The following VPS37A variants were observed in gnomAD, a reference collection of about 807,000 sequenced individuals.
VPS37A encodes the protein vacuolar protein sorting-associated protein 37A.
In VPS37A, 30 loss-of-function variants were observed where a neutral mutation model predicts 49.8. That is an observed-to-expected ratio of 0.60 (90% confidence interval 0.45 to 0.82). The LOEUF (loss-of-function observed/expected upper bound fraction) is 0.82, where lower values mean the gene tolerates loss of function less well. Ranked by LOEUF, VPS37A falls within the 40% of genes least tolerant of loss-of-function variation. VPS37A has a pLI of 0.00. For synonymous variants in VPS37A, 195 were observed against 160.6 expected, an observed-to-expected ratio of 1.21 and a Z score of -1.62; for missense variants, 593 against 464.4, an observed-to-expected ratio of 1.28 and a Z score of -2.55.
At chr8:17,305,756 CT>C, downstream of VPS37A, 2 of 1,605,426 alleles carry the variant, frequency 1.2e-6, no homozygotes, top group Non-Finnish European at 8.5e-7. Flanking sequence ...AAAACACTTA[CT>C]TGAGTTCTCG....
intron 6 of VPS37A, 27 bp downstream of exon 6, chr8:17,276,494 C>T: frequency 1.3e-6 from 2 of 1,588,614 alleles, no homozygotes; most frequent in South Asian, 1.1e-5. Flanking sequence ...AAGTTGGTCA[C>T]ATTGTCTATT....
chr8:17,248,898 C>G (rs1342953191), intron 1 of VPS37A, among the ~76,000 whole-genome samples: 1 of 152,190 alleles, frequency 6.6e-6, no homozygotes, highest in Non-Finnish European at 1.5e-5. Context: ...TTACAAGTCA[C>G]TCTTACTCCA....
At chr8:17,323,592 GT>G in the VPS37A span, among the ~76,000 whole-genome samples, 1 of 152,106 alleles carries the variant, frequency 6.6e-6, no homozygotes, top group Non-Finnish European at 1.5e-5. Flanking sequence ...GACTGAGATG[GT>G]GGCTGCCAGT....
intron 1 of VPS37A, among the ~76,000 whole-genome samples, chr8:17,252,093 T>C (rs1380570573): frequency 6.6e-6 from 1 of 152,246 alleles, no homozygotes; most frequent in Non-Finnish European, 1.5e-5. Flanking sequence ...ACCCGTCGCA[T>C]GTTATATATT....
downstream of VPS37A, chr8:17,301,779 CAT>C (rs1187426403): frequency 2.8e-5 from 7 of 246,722 alleles, no homozygotes; most frequent in African/African-American, 1.6e-4. Context: ...TCATAGTTAA[CAT>C]AATTTCTAAA....
At position 17,247,162 on chromosome 8, in the gene VPS37A, G is replaced by C. The variant is rs946295938; in HGVS notation, c.-83G>C. On this transcript the variant is annotated 5_prime_UTR_variant, in exon 1 of 12. Transcript: ENST00000324849. ...CACGGACGTCCCACCCCGCTCCTCT[G>C]TCGCTGGAGAACCGCCGGGCCGAGC... 1.5e-5 allele frequency: 23 copies of C among 1,541,250 alleles called. No individual in the cohort carries two copies. The highest frequency in any genetic ancestry group is 2.0e-5 in the Non-Finnish European group (23 of 1,143,262).
intron 6 of VPS37A, among the ~76,000 whole-genome samples, chr8:17,277,289 T>C (rs1204252737): frequency 6.6e-6 from 1 of 152,196 alleles, no homozygotes; most frequent in Non-Finnish European, 1.5e-5. Context: ...ATATACTGCA[T>C]ACATTAAAGG....
chr8:17,286,394 A>G lies in VPS37A; in HGVS notation c.1161A>G (p.Ile387Met). 6.2e-7 allele frequency: 1 copy of G among 1,613,930 alleles called. No individual in the cohort carries two copies. Among genetic ancestry groups the G allele is most frequent in the Non-Finnish European group, 8.5e-7 (1 of 1,179,908 alleles). Residue 387 changes from isoleucine to methionine, a missense_variant, in exon 11 of 12, where the codon ATA becomes ATG. Ile to Met is a conservative substitution (Grantham distance 10). Transcript: ENST00000324849. ...AGGAAGAGAAACTTCAGCAGGCGAT[A>G]GCAATGCACAGCCAATTTCATGCTC... ...RAKEEKLQQA[I>M]AMHSQFHAPL
downstream of VPS37A, chr8:17,302,374 TTAA>T (rs1586131093): frequency 8.1e-6 from 11 of 1,351,314 alleles, no homozygotes; most frequent in East Asian, 2.7e-4. Flanking sequence ...TACCACAGTC[TTAA>T]TAATAACCAA....
At chr8:17,273,945 T>C (rs1457552727) in intron 4 of VPS37A, among the ~76,000 whole-genome samples, 1 of 152,210 alleles carries the variant, frequency 6.6e-6, no homozygotes, top group Non-Finnish European at 1.5e-5. Context: ...AAGTCCCTTA[T>C]CCTTTACACT....
At chr8:17,300,427 C>G, downstream of VPS37A, 1 of 587,746 alleles carries the variant, frequency 1.7e-6, no homozygotes. Context: ...AAGGATAATA[C>G]CTGCCTTGAC....
intron 10 of VPS37A, 92 bp downstream of exon 10, chr8:17,284,708 A>G (rs912490388): frequency 7.3e-7 from 1 of 1,378,482 alleles, no homozygotes; most frequent in Non-Finnish European, 9.8e-7. Flanking sequence ...CTATTTCTCT[A>G]TTATGATATC....
intron 1 of VPS37A, among the ~76,000 whole-genome samples, chr8:17,260,003 T>G (rs1353916422): frequency 6.6e-6 from 1 of 152,152 alleles, no homozygotes; most frequent in African/African-American, 2.4e-5. Context: ...TATTCTTGGG[T>G]CTTGTTGCTT....
downstream of VPS37A, chr8:17,299,919 C>T (rs772447235): frequency 1.6e-5 from 26 of 1,614,138 alleles, no homozygotes; most frequent in Admixed American, 1.2e-4. Flanking sequence ...TATCTTCACT[C>T]GGTGCATGCT....
At chr8:17,260,909 T>C (rs1812906079) in intron 1 of VPS37A, among the ~76,000 whole-genome samples, 1 of 152,200 alleles carries the variant, frequency 6.6e-6, no homozygotes, top group Admixed American at 6.5e-5. Flanking sequence ...CTCTTTGTGC[T>C]TCACCTTTGA....
At chr8:17,314,753 T>G in the VPS37A span, among the ~76,000 whole-genome samples, 1 of 152,204 alleles carries the variant, frequency 6.6e-6, no homozygotes, top group Non-Finnish European at 1.5e-5. Context: ...TTCCAAAATC[T>G]TCCTTCCAAA....
chr8:17,318,948 T>C, the VPS37A span, among the ~76,000 whole-genome samples: 1 of 152,230 alleles, frequency 6.6e-6, no homozygotes, highest in African/African-American at 2.4e-5. Context: ...GCACTGCTCA[T>C]TGTCCTGCTT....
chr8:17,312,574 CAAAAAAA>C, the VPS37A span, among the ~76,000 whole-genome samples: 6 of 87,248 alleles, frequency 6.9e-5, no homozygotes, highest in Admixed American at 1.4e-4. Context: ...GACTCCCTCT[CAAAAAAA>C]AAAAAAAAAA....
the VPS37A span, among the ~76,000 whole-genome samples, chr8:17,310,377 T>C: frequency 2.6e-5 from 4 of 152,140 alleles, no homozygotes; most frequent in African/African-American, 9.7e-5. Flanking sequence ...TGGCCAGAGA[T>C]TTCCCCTTAC....
Sources: gnomAD v4.1 joint callset for allele counts (sites outside exome capture counted in the v4.1 genomes callset) on GRCh38, gnomAD v4.1.1 for gene constraint, MANE v1.5 for transcripts, NCBI Gene and HGNC (gene_info 2026-07-23, HGNC 2026-07-21) for gene names.